Variants in MCTP1 observed in about 807,000 individuals in gnomAD.
MCTP1 encodes multiple C2 and transmembrane domain containing 1.
MCTP1 carries 69 observed loss-of-function variants against 120.6 expected under a neutral mutation model. The ratio of observed to expected loss-of-function variants is 0.57; its 90% confidence interval spans 0.47 to 0.70. MCTP1 has a LOEUF of 0.70. MCTP1 is among the 30% of genes least tolerant of loss of function. The pLI is 0.00. For synonymous variants in MCTP1, 529 were observed against 493.1 expected (o/e 1.07, Z -0.96); for missense variants, 1,203 against 1,248.8 (o/e 0.96, Z 0.55).
chr5:94,832,981 A>G (rs991372700), intron 17 of MCTP1, among the ~76,000 whole-genome samples: 1 of 152,238 alleles, frequency 6.6e-6, no homozygotes, highest in Non-Finnish European at 1.5e-5. Flanking sequence ...ACACACCACA[A>G]GTGAGCTGTT....
intron 2 of MCTP1, among the ~76,000 whole-genome samples, chr5:95,004,291 T>A (rs1457950939): frequency 6.6e-6 from 1 of 152,164 alleles, no homozygotes; most frequent in Admixed American, 6.5e-5. Context: ...AACTGAAACT[T>A]ATATTTAAAA....
intron 18 of MCTP1, among the ~76,000 whole-genome samples, chr5:94,791,134 G>GA (rs1778855934): frequency 1.8e-5 from 2 of 111,356 alleles, no homozygotes; most frequent in Admixed American, 9.0e-5. Flanking sequence ...AAAAAAAAAA[G>GA]AAAAAAATAC....
At position 94,930,443 on chromosome 5, in the gene MCTP1, T is replaced by A. The variant is rs533255948; in HGVS notation, c.1212+1510A>T. 2.0e-5 allele frequency among the ~76,000 whole-genome samples: 3 copies of A among 151,918 alleles called. No individual in the cohort carries two copies. In the South Asian group the frequency reaches 6.2e-4, roughly 32 times the overall value. ...CATGTGCCACTACGTCTGGCTAATT[T>A]TTGTATTTTTAGTAGAGATGGGGTT... On this transcript the variant is annotated intron_variant, in intron 6 of 22. Coordinates refer to ENST00000515393, the MANE Select transcript of MCTP1 (RefSeq NM_024717.7).
chr5:95,101,216 C>T (rs6892381), intron 1 of MCTP1, among the ~76,000 whole-genome samples: 140,476 of 152,282 alleles, frequency 0.92, 65,320 homozygotes, highest in Non-Finnish European at 0.98. Flanking sequence ...ATGACAGAAT[C>T]CACATTTTAA....
At chr5:95,020,203 T>C (rs904687019) in intron 1 of MCTP1, among the ~76,000 whole-genome samples, 2 of 152,054 alleles carry the variant, frequency 1.3e-5, no homozygotes, top group Non-Finnish European at 2.9e-5. Context: ...GTAGTCTTCA[T>C]TGCTATGTTC....
At chr5:95,210,000 C>T (rs944625436) in intron 1 of MCTP1, among the ~76,000 whole-genome samples, 1 of 152,124 alleles carries the variant, frequency 6.6e-6, no homozygotes, top group Non-Finnish European at 1.5e-5. Context: ...GTTTCTTAAT[C>T]CTGAGTTCTA....
At chr5:94,883,195 T>C (rs1800503157) in intron 12 of MCTP1, among the ~76,000 whole-genome samples, 1 of 152,214 alleles carries the variant, frequency 6.6e-6, no homozygotes. Context: ...AATACATTTA[T>C]CATGTACATG....
At position 95,129,755 on chromosome 5, in the gene MCTP1, G is replaced by T. The variant is rs1378017473; in HGVS notation, c.721-112271C>A. Among the ~76,000 whole-genome samples, 4 of 152,080 alleles carry T rather than the reference G, an allele frequency of 2.6e-5. No individual in the cohort carries two copies. In the East Asian group the frequency reaches 7.7e-4, roughly 29 times the overall value. ...GCTCACTGCAACCTCCGCCTTCTGG[G>T]TTCGAGCAATTCTCCCTGCCCCAGT... On this transcript the variant is annotated intron_variant, in intron 1 of 22. Transcript: ENST00000515393.
At chr5:94,835,078 A>G (rs199812667) in intron 17 of MCTP1, among the ~76,000 whole-genome samples, 10 of 152,100 alleles carry the variant, frequency 6.6e-5, no homozygotes, top group Non-Finnish European at 8.8e-5. Flanking sequence ...CAGCCTCCCA[A>G]AATGCTGGGA....
chr5:95,028,395 T>G (rs752521919), intron 1 of MCTP1, among the ~76,000 whole-genome samples: 2 of 152,128 alleles, frequency 1.3e-5, no homozygotes, highest in Non-Finnish European at 2.9e-5. Context: ...GGGGTTTTGG[T>G]TTCCTGGTGG....
chr5:94,898,661 G>C (rs1347563057), intron 10 of MCTP1, among the ~76,000 whole-genome samples: 2 of 152,154 alleles, frequency 1.3e-5, no homozygotes, highest in African/African-American at 4.8e-5. Context: ...TAGGTATACA[G>C]TAATGGTTTT....
At chr5:95,107,850 CTA>C (rs1757199681) in intron 1 of MCTP1, among the ~76,000 whole-genome samples, 1 of 152,110 alleles carries the variant, frequency 6.6e-6, no homozygotes, top group African/African-American at 2.4e-5. Flanking sequence ...GGATTTCCTT[CTA>C]TGTTTTTATT....
intron 12 of MCTP1, among the ~76,000 whole-genome samples, chr5:94,885,301 G>GA (rs1218534202): frequency 0.059 from 6,849 of 116,600 alleles, 352 homozygotes; most frequent in African/African-American, 0.16. Context: ...TAGGAGCTCA[G>GA]AAAAAAAAAA....
At chr5:94,759,104 C>T (rs1174158985) in intron 19 of MCTP1, among the ~76,000 whole-genome samples, 1 of 152,008 alleles carries the variant, frequency 6.6e-6, no homozygotes. Context: ...TGAAGAAAAC[C>T]ACAAAGACAT....
intron 1 of MCTP1, among the ~76,000 whole-genome samples, chr5:95,089,173 T>C (rs1755667594): frequency 6.6e-6 from 1 of 152,198 alleles, no homozygotes; most frequent in South Asian, 2.1e-4. Flanking sequence ...AGGCGATACA[T>C]CTGAGGAGGG....
In MCTP1 at chr5:94,718,627, A is replaced by G. The variant is rs537518210; in HGVS notation, c.2611-3741T>C. 4.6e-5 allele frequency among the ~76,000 whole-genome samples: 7 copies of G among 152,334 alleles called. No homozygotes were observed. In the East Asian group the frequency reaches 7.7e-4, roughly 17 times the overall value. ...TTTTCAATCACTCTGACAAAGGTCT[A>G]ATATCCAGAATCTACAAGAACTTAA... On this transcript the variant is annotated intron_variant, in intron 19 of 22. Coordinates refer to ENST00000515393, the MANE Select transcript of MCTP1 (RefSeq NM_024717.7).
chr5:94,804,660 G>C (rs529696190), intron 17 of MCTP1, among the ~76,000 whole-genome samples: 2 of 152,064 alleles, frequency 1.3e-5, no homozygotes, highest in Non-Finnish European at 2.9e-5. Flanking sequence ...GGATGGTCTC[G>C]ATCTCCTGAC....
At chr5:95,134,344 AAGAT>A (rs1490217751) in intron 1 of MCTP1, among the ~76,000 whole-genome samples, 7 of 152,232 alleles carry the variant, frequency 4.6e-5, no homozygotes, top group African/African-American at 1.7e-4. Context: ...CATTATAGGC[AAGAT>A]TACATATAAA....
Position 95,119,639 on chromosome 5 carries a change from GA to G in MCTP1, c.721-102156del, listed in dbSNP as rs58368018. Among the ~76,000 whole-genome samples the G allele has an allele frequency of 6.4e-3, 974 of 151,866 alleles. 15 individuals carry two copies. Among genetic ancestry groups the G allele is most frequent in the African/African-American group, 0.023 (948 of 41,452 alleles). ...TGGACAAACTTTTAGCCAGGCTGAG[GA>G]AAAAAACAAAGACTCAAATAAATAA... On this transcript the variant is annotated intron_variant, in intron 1 of 22. Coordinates refer to ENST00000515393, the MANE Select transcript of MCTP1 (RefSeq NM_024717.7).
Sources: allele counts gnomAD v4.1 joint callset (sites outside exome capture counted in the v4.1 genomes callset), GRCh38; gene constraint gnomAD v4.1.1; transcripts MANE v1.5; gene names NCBI Gene and HGNC (gene_info 2026-07-23, HGNC 2026-07-21).